Variants in HTR1F observed in about 807,000 individuals in gnomAD.
The protein encoded by HTR1F is 5-hydroxytryptamine receptor 1F.
A neutral mutation model predicts 24.0 loss-of-function variants in HTR1F; 17 were observed. The observed-to-expected ratio is 0.71, with a 90% CI of 0.48 to 1.06. The LOEUF is 1.06. Ranked by LOEUF, HTR1F falls within the 50% of genes least tolerant of loss-of-function variation. HTR1F has a pLI of 0.00. For missense variants in HTR1F, 391 were observed against 427.8 expected, an observed-to-expected ratio of 0.91 and a Z score of 0.76; for synonymous variants, 186 against 156.8, an observed-to-expected ratio of 1.19 and a Z score of -1.39.
chr3:87,978,419 A>T (rs1292759643), intron 2 of HTR1F, among the ~76,000 whole-genome samples: 5 of 152,172 alleles, frequency 3.3e-5, no homozygotes, highest in African/African-American at 1.2e-4. Flanking sequence ...CTAGAGAGTG[A>T]GCAAGGTGAA....
chr3:87,843,681 C>T (rs902932575), intron 2 of HTR1F, among the ~76,000 whole-genome samples: 1 of 99,476 alleles, frequency 1.0e-5, no homozygotes, highest in African/African-American at 7.9e-5. Flanking sequence ...CCTCCCCCTC[C>T]CCCACCCCAC....
chr3:87,918,332 C>T (rs1168215716), intron 2 of HTR1F, among the ~76,000 whole-genome samples: 1 of 152,020 alleles, frequency 6.6e-6, no homozygotes, highest in Non-Finnish European at 1.5e-5. Context: ...TTTACTCTCA[C>T]CACTCCTCTT....
intron 2 of HTR1F, among the ~76,000 whole-genome samples, chr3:87,950,346 G>A (rs1704805753): frequency 6.6e-6 from 1 of 152,128 alleles, no homozygotes; most frequent in Non-Finnish European, 1.5e-5. Context: ...CCTCTCACAA[G>A]TTCTGCCTTG....
At position 87,795,959 on chromosome 3, in the gene HTR1F, T is replaced by A. The variant is rs751864715; in HGVS notation, c.-160+3117T>A. On this transcript the variant is annotated intron_variant, in intron 1 of 2. Coordinates refer to ENST00000319595, the MANE Select transcript of HTR1F (RefSeq NM_001322209.2). ...TTCCTTCTCTCAGAAGTAATATGTG[T>A]CCATTTAACCCAGGGTACAGAGCTC... Among the ~76,000 whole-genome samples the A allele has an allele frequency of 6.8e-4, 103 of 152,208 alleles. 1 individual carries two copies. Among genetic ancestry groups the A allele is most frequent in the Non-Finnish European group, 1.2e-3 (83 of 68,036 alleles).
chr3:87,976,072 G>A (rs1023196790), intron 2 of HTR1F, among the ~76,000 whole-genome samples: 2 of 152,236 alleles, frequency 1.3e-5, no homozygotes, highest in Admixed American at 6.5e-5. Flanking sequence ...TACTTATTAA[G>A]CCTACCTGAT....
At chr3:87,896,530 C>T (rs1160629397) in intron 2 of HTR1F, among the ~76,000 whole-genome samples, 4 of 152,142 alleles carry the variant, frequency 2.6e-5, no homozygotes, top group Non-Finnish European at 5.9e-5. Context: ...CTGACTATCA[C>T]ACCAAAAGCT....
At chr3:87,845,482 A>C (rs1364705207) in intron 2 of HTR1F, among the ~76,000 whole-genome samples, 3 of 149,152 alleles carry the variant, frequency 2.0e-5, no homozygotes, top group Non-Finnish European at 4.4e-5. Flanking sequence ...TCCCATTCAC[A>C]ATTGCTTCAA....
chr3:87,956,176 A>C (rs770239591), intron 2 of HTR1F, among the ~76,000 whole-genome samples: 1 of 151,222 alleles, frequency 6.6e-6, no homozygotes, highest in Non-Finnish European at 1.5e-5. Context: ...TATTGTTTTG[A>C]CTTTTATGTC....
intron 2 of HTR1F, among the ~76,000 whole-genome samples, chr3:87,928,919 A>G (rs1276157528): frequency 2.0e-5 from 3 of 152,208 alleles, no homozygotes; most frequent in Admixed American, 2.0e-4. Flanking sequence ...GTCTGAGTCT[A>G]AAAGCTAGTC....
intron 2 of HTR1F, among the ~76,000 whole-genome samples, chr3:87,873,424 C>G (rs745720645): frequency 1.3e-5 from 2 of 152,064 alleles, no homozygotes; most frequent in African/African-American, 2.4e-5. Context: ...GATGAATGCT[C>G]CACTTCAAAC....
At chr3:87,912,274 C>G (rs965862963) in intron 2 of HTR1F, among the ~76,000 whole-genome samples, 1 of 151,186 alleles carries the variant, frequency 6.6e-6, no homozygotes, top group Non-Finnish European at 1.5e-5. Flanking sequence ...TATAAACCAA[C>G]GACAGCCAAG....
In HTR1F at chr3:87,882,421, G is replaced by A. The variant is rs557889619; in HGVS notation, c.-43+60297G>A. Among the ~76,000 whole-genome samples the A allele has an allele frequency of 2.2e-3, 331 of 152,036 alleles. 1 individual carries two copies. The highest frequency in any genetic ancestry group is 6.8e-3 in the Middle Eastern group (2 of 294). On this transcript the variant is annotated intron_variant, in intron 2 of 2. Transcript: ENST00000319595. Reference sequence around the variant, plus strand: ...ACATATGCACACATATGTTTATTGCGGCACTATTCACAATAGCAAAGACTT... The same window carrying A: ...ACATATGCACACATATGTTTATTGCAGCACTATTCACAATAGCAAAGACTT...
intron 2 of HTR1F, among the ~76,000 whole-genome samples, chr3:87,931,696 C>T (rs1256954467): frequency 2.6e-5 from 4 of 151,940 alleles, no homozygotes; most frequent in Admixed American, 2.6e-4. Context: ...TTCTGCACAT[C>T]CTCTCCAGCA....
At chr3:87,927,104 C>T (rs1034638656) in intron 2 of HTR1F, among the ~76,000 whole-genome samples, 9 of 152,246 alleles carry the variant, frequency 5.9e-5, no homozygotes, top group African/African-American at 1.9e-4. Context: ...CTTGCCCACA[C>T]TCAGAGATTC....
At chr3:87,936,772 C>T (rs1253202721) in intron 2 of HTR1F, among the ~76,000 whole-genome samples, 2 of 152,178 alleles carry the variant, frequency 1.3e-5, no homozygotes, top group East Asian at 1.9e-4. Context: ...AGTAGCAAGC[C>T]TGTTTACTAC....
chr3:87,968,096 G>A (rs1387394461), intron 2 of HTR1F, among the ~76,000 whole-genome samples: 4 of 152,202 alleles, frequency 2.6e-5, no homozygotes, highest in African/African-American at 9.6e-5. Context: ...GTTGGAAGCT[G>A]GAATACAGGT....
chr3:87,919,433 G>A (rs758649321), intron 2 of HTR1F, among the ~76,000 whole-genome samples: 22 of 152,016 alleles, frequency 1.4e-4, no homozygotes, highest in Non-Finnish European at 2.6e-4. Context: ...AGAGTTAACA[G>A]ACAACCCACA....
At chr3:87,954,990 C>A (rs1704913339) in intron 2 of HTR1F, among the ~76,000 whole-genome samples, 1 of 151,428 alleles carries the variant, frequency 6.6e-6, no homozygotes, top group East Asian at 1.9e-4. Context: ...TGGACTGTAG[C>A]TACCCCTGCT....
chr3:87,977,134 T>C (rs1454371459), intron 2 of HTR1F, among the ~76,000 whole-genome samples: 1 of 152,178 alleles, frequency 6.6e-6, no homozygotes, highest in Non-Finnish European at 1.5e-5. Flanking sequence ...TATTAGACAG[T>C]GATGGTACTA....
Sources: gnomAD v4.1 joint callset for allele counts (sites outside exome capture counted in the v4.1 genomes callset) on GRCh38, gnomAD v4.1.1 for gene constraint, MANE v1.5 for transcripts, NCBI Gene and HGNC (gene_info 2026-07-23, HGNC 2026-07-21) for gene names.